The following SKAP2 variants were observed in gnomAD, a reference collection of about 807,000 sequenced individuals.
SKAP2 encodes src kinase-associated phosphoprotein 2.
Under a neutral mutation model 54.9 loss-of-function variants are expected in SKAP2, and 28 were observed. The ratio of observed to expected loss-of-function variants is 0.51; its 90% CI spans 0.38 to 0.70. The LOEUF is 0.70. SKAP2 is among the 30% of genes least tolerant of loss of function. The pLI is 0.00. For missense variants in SKAP2, 356 were observed against 424.1 expected (o/e 0.84, Z 1.41); for synonymous variants, 137 against 134.3 (o/e 1.02, Z -0.14).
At chr7:26,846,708 C>T (rs947458831) in intron 3 of SKAP2, among the ~76,000 whole-genome samples, 7 of 152,126 alleles carry the variant, frequency 4.6e-5, no homozygotes, top group Non-Finnish European at 8.8e-5. Flanking sequence ...AGACCGGGTG[C>T]GGTGGCTCAC....
chr7:26,703,232 G>A (rs1787083187), intron 9 of SKAP2, among the ~76,000 whole-genome samples: 1 of 151,826 alleles, frequency 6.6e-6, no homozygotes, highest in Non-Finnish European at 1.5e-5. Flanking sequence ...TACCTGATGA[G>A]CTTTAAAAAA....
intron 4 of SKAP2, among the ~76,000 whole-genome samples, chr7:26,812,534 A>T (rs1169289713): frequency 6.6e-6 from 1 of 152,152 alleles, no homozygotes; most frequent in Non-Finnish European, 1.5e-5. Context: ...CATAGAATAT[A>T]AAAAAATCAA....
intron 4 of SKAP2, among the ~76,000 whole-genome samples, chr7:26,771,401 T>C (rs893000118): frequency 2.6e-5 from 4 of 152,196 alleles, no homozygotes; most frequent in Middle Eastern, 3.2e-3. Flanking sequence ...ATAAGACCTA[T>C]CTACTGTACA....
At chr7:26,707,061 T>C (rs955777195) in intron 9 of SKAP2, among the ~76,000 whole-genome samples, 2 of 152,198 alleles carry the variant, frequency 1.3e-5, no homozygotes, top group African/African-American at 4.8e-5. Flanking sequence ...AATTTCTTCT[T>C]GTCAAGAAGT....
chr7:26,800,715 A>G (rs1783895020), intron 4 of SKAP2, among the ~76,000 whole-genome samples: 1 of 152,212 alleles, frequency 6.6e-6, no homozygotes, highest in South Asian at 2.1e-4. Flanking sequence ...CTACACTATG[A>G]GCAAGTACAT....
At chr7:26,841,116 C>A (rs770151732) in intron 4 of SKAP2, among the ~76,000 whole-genome samples, 1 of 152,060 alleles carries the variant, frequency 6.6e-6, no homozygotes, top group Non-Finnish European at 1.5e-5. Flanking sequence ...ACCTTTCAGG[C>A]AACTAGTATT....
chr7:26,723,441 C>G (rs183731500), intron 9 of SKAP2, among the ~76,000 whole-genome samples: 8 of 152,172 alleles, frequency 5.3e-5, no homozygotes, highest in Non-Finnish European at 1.2e-4. Context: ...GGATCCCAAG[C>G]AGGGGAAAAG....
intron 4 of SKAP2, among the ~76,000 whole-genome samples, chr7:26,825,512 C>T (rs1156648002): frequency 6.8e-6 from 1 of 147,198 alleles, no homozygotes; most frequent in Non-Finnish European, 1.5e-5. Flanking sequence ...TTTATTTTAT[C>T]TAGTTAATCC....
At chr7:26,816,880 C>CAAA (rs932351476) in intron 4 of SKAP2, among the ~76,000 whole-genome samples, 5 of 152,078 alleles carry the variant, frequency 3.3e-5, no homozygotes, top group Non-Finnish European at 4.4e-5. Flanking sequence ...CATTTTCTAA[C>CAAA]ATGTTACAAA....
At chr7:26,737,437 GT>G (rs1787967627) in intron 6 of SKAP2, among the ~76,000 whole-genome samples, 1 of 152,142 alleles carries the variant, frequency 6.6e-6, no homozygotes, top group Non-Finnish European at 1.5e-5. Flanking sequence ...TAATTAATTT[GT>G]TAATCTCATT....
In SKAP2 at chr7:26,854,766, C is replaced by T; in HGVS notation, c.173+19G>A. Reference sequence around the variant, plus strand: ...TGCTTCTATGTAAGAAATCAGTAAACAAAAGGTAAGTGACTTACATAGACT... The same window carrying T: ...TGCTTCTATGTAAGAAATCAGTAAATAAAAGGTAAGTGACTTACATAGACT... On this transcript the variant is annotated intron_variant, in intron 2 of 12. Transcript: ENST00000345317. 1 of 1,571,406 alleles carries T rather than the reference C, an allele frequency of 6.4e-7. No individual in the cohort carries two copies. Among genetic ancestry groups the T allele is most frequent in the South Asian group, 1.1e-5 (1 of 87,038 alleles).
chr7:26,722,833 T>A (rs12700755), intron 9 of SKAP2, among the ~76,000 whole-genome samples: 4 of 152,070 alleles, frequency 2.6e-5, no homozygotes, highest in Non-Finnish European at 5.9e-5. Flanking sequence ...GAAAAAGAGC[T>A]TTGTGATTTA....
chr7:26,761,209 T>C (rs942747855), intron 4 of SKAP2, among the ~76,000 whole-genome samples: 5 of 152,226 alleles, frequency 3.3e-5, no homozygotes, highest in Non-Finnish European at 5.9e-5. Flanking sequence ...CCCTCTTCCA[T>C]ATCAAGTTAC....
At chr7:26,818,142 C>T (rs1473939165) in intron 4 of SKAP2, among the ~76,000 whole-genome samples, 2 of 152,080 alleles carry the variant, frequency 1.3e-5, no homozygotes, top group African/African-American at 4.8e-5. Flanking sequence ...TGACCCTAAG[C>T]AAAAAGAACA....
chr7:26,695,891 T>A (rs1334759289), intron 9 of SKAP2, among the ~76,000 whole-genome samples: 2 of 152,030 alleles, frequency 1.3e-5, no homozygotes. Context: ...AGAGGTGACA[T>A]GGGGGAACAG....
intron 11 of SKAP2, among the ~76,000 whole-genome samples, chr7:26,677,504 C>T (rs1381718449): frequency 1.3e-5 from 2 of 151,642 alleles, no homozygotes; most frequent in African/African-American, 2.4e-5. Flanking sequence ...CACAGCCGTT[C>T]TTCTAGGTTT....
intron 4 of SKAP2, among the ~76,000 whole-genome samples, chr7:26,749,730 T>C (rs1782639757): frequency 7.3e-6 from 1 of 136,138 alleles, no homozygotes; most frequent in Non-Finnish European, 1.6e-5. Flanking sequence ...AGTGAGACCC[T>C]GTCTCAAATA....
rs1308233906 is a variant in SKAP2, at chr7:26,669,286, T to C, written c.*380A>G. ...TACATTACTCTCTAAAAATAATTGA[T>C]GTCCAATGATTAAGAAACATTACAA... On this transcript the variant is annotated 3_prime_UTR_variant, in exon 13 of 13. Coordinates refer to ENST00000345317, the MANE Select transcript of SKAP2 (RefSeq NM_003930.5). 4 of 152,204 alleles carry C rather than the reference T, an allele frequency of 2.6e-5. No individual in the cohort carries two copies. 9.4% of individuals were successfully genotyped at this position (152,204 alleles called of 1,614,324 possible). A position where few individuals can be genotyped will look rare whatever the true frequency, so the allele number is the denominator to read the frequency against.
At chr7:26,762,442 A>C (rs1384599844) in intron 4 of SKAP2, among the ~76,000 whole-genome samples, 1 of 152,112 alleles carries the variant, frequency 6.6e-6, no homozygotes, top group Admixed American at 6.5e-5. Flanking sequence ...AAACACATAC[A>C]CGTGTATGTA....
Sources: gnomAD v4.1 joint callset for allele counts (sites outside exome capture counted in the v4.1 genomes callset) on GRCh38, gnomAD v4.1.1 for gene constraint, MANE v1.5 for transcripts, NCBI Gene and HGNC (gene_info 2026-07-23, HGNC 2026-07-21) for gene names.